The following NFAM1 variants were observed in gnomAD, a reference collection of about 807,000 sequenced individuals.
NFAM1 encodes the protein NFAT activation molecule 1.
A neutral mutation model predicts 29.0 loss-of-function variants in NFAM1; 17 were observed. The observed-to-expected ratio is 0.59, with a 90% CI of 0.40 to 0.88. NFAM1 has a LOEUF of 0.88. Among genes scored for constraint, NFAM1 ranks in the 40% least tolerant of loss-of-function variants. The pLI is 0.00. For synonymous variants in NFAM1, 175 were observed against 147.2 expected (o/e 1.19, Z -1.36); for missense variants, 324 against 344.6 (o/e 0.94, Z 0.47).
Position 42,419,989 on chromosome 22 carries a change from G to GTTTTTTTTTT in NFAM1, c.122-8254_122-8253insAAAAAAAAAA, listed in dbSNP as rs1491236869. On this transcript the variant is annotated intron_variant, in intron 1 of 5. Coordinates refer to ENST00000329021, the MANE Select transcript of NFAM1 (RefSeq NM_145912.8). The surrounding 1 kb of genome is among the most constrained non-coding windows in gnomAD (Gnocchi z 4.5). ...CCTTTGAGTCTGTAATCCCACTCTT[G>GTTTTTTTTTT]GTTTTTTTTTTTTTTTTTTTTTTTT... Among the ~76,000 whole-genome samples the GTTTTTTTTTT allele has an allele frequency of 2.8e-4, 16 of 56,526 alleles. 4 individuals carry two copies. Among genetic ancestry groups the GTTTTTTTTTT allele is most frequent in the South Asian group, 1.2e-3 (2 of 1,682 alleles). 37.1% of individuals were successfully genotyped at this position (56,526 alleles called of 152,430 possible). A position where few individuals can be genotyped will look rare whatever the true frequency, so the allele number is the denominator to read the frequency against.
intron 4 of NFAM1, among the ~76,000 whole-genome samples, chr22:42,395,087 T>C (rs1569226864): frequency 2.0e-5 from 3 of 151,980 alleles, no homozygotes; most frequent in Non-Finnish European, 4.4e-5. Context: ...GGTGGGAAGA[T>C]AGCTGGAGAC....
upstream of NFAM1, among the ~76,000 whole-genome samples, chr22:42,435,860 A>G (rs1243116713): frequency 2.4e-5 from 3 of 124,606 alleles, no homozygotes; most frequent in Non-Finnish European, 3.3e-5. Flanking sequence ...AAAAGACTCC[A>G]CTAGGCTGGA....
chr22:42,386,287 T>C (rs905933942), intron 5 of NFAM1, among the ~76,000 whole-genome samples: 2 of 151,632 alleles, frequency 1.3e-5, no homozygotes, highest in Non-Finnish European at 2.9e-5. Context: ...GGCAGGAGAA[T>C]TGCTTGAACC....
At chr22:42,387,707 G>C (rs924795426) in intron 4 of NFAM1, among the ~76,000 whole-genome samples, 5 of 152,082 alleles carry the variant, frequency 3.3e-5, no homozygotes, top group African/African-American at 1.2e-4. Context: ...CATCCCCCTT[G>C]CCTGTCACTT....
At chr22:42,430,324 C>G (rs1242803307) in intron 1 of NFAM1, among the ~76,000 whole-genome samples, 1 of 152,180 alleles carries the variant, frequency 6.6e-6, no homozygotes, top group African/African-American at 2.4e-5. Context: ...CTTTGGGAGG[C>G]TGAGGCGGGC....
intron 4 of NFAM1, among the ~76,000 whole-genome samples, chr22:42,392,648 T>C (rs1929383513): frequency 6.6e-6 from 1 of 152,138 alleles, no homozygotes; most frequent in African/African-American, 2.4e-5. Flanking sequence ...AACCCTGTTT[T>C]GCAGATTATG....
rs1930387686 is a variant in NFAM1, at chr22:42,420,000, T to TTG, written c.122-8265_122-8264insCA. On this transcript the variant is annotated intron_variant, in intron 1 of 5. Coordinates refer to ENST00000329021, the MANE Select transcript of NFAM1 (RefSeq NM_145912.8). This position sits in a 1 kb window ranked among gnomAD's most constrained non-coding sequence, Gnocchi z 4.5. The stretch of plus-strand genomic sequence containing the variant: ...GTAATCCCACTCTTGGTTTTTTTTT[T>TTG]TTTTTTTTTTTTTTTTTTTTTTTTT... Among the ~76,000 whole-genome samples the TTG allele has an allele frequency of 9.7e-6, 1 of 103,538 alleles. No individual in the cohort carries two copies. Among genetic ancestry groups the TTG allele is most frequent in the Non-Finnish European group, 1.9e-5 (1 of 51,440 alleles). The allele number at this position is 103,538 out of a possible 152,430, so 67.9% of individuals were successfully genotyped here. A position where few individuals can be genotyped will look rare whatever the true frequency, so the allele number is the denominator to read the frequency against.
At chr22:42,428,627 C>T (rs758412517) in intron 1 of NFAM1, among the ~76,000 whole-genome samples, 2 of 152,108 alleles carry the variant, frequency 1.3e-5, no homozygotes, top group South Asian at 2.1e-4. Context: ...CTGGTAACTC[C>T]GGCCAAGGCT....
intron 1 of NFAM1, among the ~76,000 whole-genome samples, chr22:42,427,875 G>T (rs116564871): frequency 2.0e-5 from 3 of 152,184 alleles, no homozygotes; most frequent in Non-Finnish European, 4.4e-5. Context: ...TGGGATGGGG[G>T]TACCTTTGGT....
intron 1 of NFAM1, among the ~76,000 whole-genome samples, chr22:42,420,914 G>A (rs1035606064): frequency 6.6e-6 from 1 of 152,210 alleles, no homozygotes; most frequent in Non-Finnish European, 1.5e-5. Context: ...GCCAGCAATA[G>A]GTAGGGGCCT....
At chr22:42,413,720 C>G (rs1178491826) in intron 1 of NFAM1, among the ~76,000 whole-genome samples, 1 of 152,042 alleles carries the variant, frequency 6.6e-6, no homozygotes, top group African/African-American at 2.4e-5. Flanking sequence ...CTGGACAACA[C>G]AGAAAGCCCT....
chr22:42,411,828 T>G (rs1930105775), intron 1 of NFAM1, 92 bp from the exon 2 acceptor site: 1 of 828,794 alleles, frequency 1.2e-6, no homozygotes. Context: ...CCGGGTGCGG[T>G]GGCTCACACC....
At chr22:42,401,766 A>C (rs1477011212) in intron 3 of NFAM1, among the ~76,000 whole-genome samples, 1 of 152,064 alleles carries the variant, frequency 6.6e-6, no homozygotes, top group Non-Finnish European at 1.5e-5. Context: ...TGGTGGTGGG[A>C]CAGGGAGTCA....
chr22:42,396,890 G>C (rs562551476), intron 4 of NFAM1, among the ~76,000 whole-genome samples: 4 of 152,228 alleles, frequency 2.6e-5, no homozygotes, highest in Non-Finnish European at 5.9e-5. Flanking sequence ...ACGACAGCAC[G>C]TACGAGCAGA....
chr22:42,386,388 A>ACACACAC, intron 5 of NFAM1, among the ~76,000 whole-genome samples: 1 of 144,692 alleles, frequency 6.9e-6, no homozygotes, highest in African/African-American at 2.7e-5. Flanking sequence ...CAAAAACAAA[A>ACACACAC]ACAAACAAAC....
intron 1 of NFAM1, among the ~76,000 whole-genome samples, chr22:42,428,496 C>T (rs1930696201): frequency 6.6e-6 from 1 of 152,084 alleles, no homozygotes; most frequent in Non-Finnish European, 1.5e-5. Context: ...GGCTGGAGTT[C>T]AGTGGCACGA....
At chr22:42,432,211 G>A in intron 1 of NFAM1, 26 bp downstream of exon 1, 3 of 1,556,332 alleles carry the variant, frequency 1.9e-6, no homozygotes, top group Non-Finnish European at 2.6e-6. Context: ...CGAGAGAGTA[G>A]AGAGAAGGAG....
intron 4 of NFAM1, among the ~76,000 whole-genome samples, chr22:42,393,739 G>A (rs1460437773): frequency 6.6e-6 from 1 of 151,390 alleles, no homozygotes; most frequent in Non-Finnish European, 1.5e-5. Context: ...AGTTTAATTA[G>A]TAAGGATCAA....
chr22:42,411,548 C>G lies in NFAM1; in HGVS notation c.310G>C (p.Gly104Arg). ...AGGGTGTGGCTCTGGTTCTCTGTGC[C>G]CAGTCCAGGGTGGCAGTTTGTTGGC... is the stretch of plus-strand genomic sequence containing the variant. ...KKPTNCHPGL[G>R]TENQSHTLDC... is the part of the protein sequence containing the mutation. The change falls in exon 2 of 6, where the codon GGC (glycine) becomes CGC (arginine). Residue 104 changes from glycine to arginine, a missense_variant. Coordinates refer to ENST00000329021, the MANE Select transcript of NFAM1 (RefSeq NM_145912.8). 1 of 1,614,194 alleles carries G rather than the reference C, an allele frequency of 6.2e-7. No individual in the cohort carries two copies. Among genetic ancestry groups the G allele is most frequent in the Non-Finnish European group, 8.5e-7 (1 of 1,180,030 alleles).
Sources: gnomAD v4.1 joint callset for allele counts (sites outside exome capture counted in the v4.1 genomes callset) on GRCh38, gnomAD v4.1.1 for gene constraint, Gnocchi (gnomAD v3.1) non-coding constraint, MANE v1.5 for transcripts, NCBI Gene and HGNC (gene_info 2026-07-23, HGNC 2026-07-21) for gene names.